Variants in CEACAM20 observed in about 807,000 individuals in gnomAD.
CEACAM20 encodes the protein cell adhesion molecule CEACAM20.
A neutral mutation model predicts 61.2 loss-of-function variants in CEACAM20; 50 were observed. That is an observed-to-expected ratio of 0.82 (90% CI 0.65 to 1.03). The LOEUF (loss-of-function observed/expected upper bound fraction) is 1.03, where lower values mean the gene tolerates loss of function less well. Among genes scored for constraint, CEACAM20 ranks in the 50% least tolerant of loss-of-function variants. The pLI is 0.00. For missense variants in CEACAM20, 683 were observed against 736.4 expected (o/e 0.93, Z 0.84); for synonymous variants, 282 against 287.7 (o/e 0.98, Z 0.20).
At position 44,520,590 on chromosome 19, in the gene CEACAM20, T is replaced by A; in HGVS notation, c.914A>T (p.Asp305Val). The change falls in exon 5 of 12, where the codon GAC becomes GTC. Residue 305 changes from aspartate to valine, a missense_variant. Physicochemically the swap from Asp to Val is radical, Grantham distance 152. Coordinates refer to ENST00000614924, the MANE Select transcript of CEACAM20 (RefSeq NM_001102597.3). ...LPSEHLQLSADNRTLIIHGLQ... is the reference protein window; with the variant it reads ...LPSEHLQLSAVNRTLIIHGLQ... ...GCCATGGATGATTAGGGTCCTGTTGTCAGCTGACAGCTGCAGGTGCTCACT... is the reference window on the plus strand; with the variant it reads ...GCCATGGATGATTAGGGTCCTGTTGACAGCTGACAGCTGCAGGTGCTCACT... 1 of 1,614,026 alleles carries A rather than the reference T, an allele frequency of 6.2e-7. No individual in the cohort carries two copies.
chr19:44,525,356 C>A, intron 1 of CEACAM20, 112 bp from the exon 2 acceptor site: 1 of 976,948 alleles, frequency 1.0e-6, no homozygotes, highest in Non-Finnish European at 1.5e-6. Flanking sequence ...GCATTCCACC[C>A]ACAGAGACCT....
Position 44,520,510 on chromosome 19 carries a change from G to A in CEACAM20, c.994C>T (p.Arg332Trp), listed in dbSNP as rs773424108. Residue 332 changes from arginine (R) to tryptophan (W), a missense_variant, in exon 5 of 12, where the codon CGG (arginine) becomes TGG (tryptophan). Coordinates refer to ENST00000614924, the MANE Select transcript of CEACAM20 (RefSeq NM_001102597.3). ...AGCTCAAGGGGCTCACTCCGGGCCC[G>A]GCTGCCCCAGTTCCAGACCTCACAG... ...YACEVWNWGSRARSEPLELTI... is the reference protein window; with the variant it reads ...YACEVWNWGSWARSEPLELTI... 43 of 1,613,504 alleles carry A rather than the reference G, an allele frequency of 2.7e-5. No homozygotes were observed. The highest frequency in any genetic ancestry group is 4.5e-5 in the East Asian group (2 of 44,896).
At chr19:44,526,422 T>C (rs1052554758) in intron 1 of CEACAM20, among the ~76,000 whole-genome samples, 1 of 152,034 alleles carries the variant, frequency 6.6e-6, no homozygotes, top group Non-Finnish European at 1.5e-5. Flanking sequence ...GGAGGATCAC[T>C]TGAGCCTGGG....
intron 8 of CEACAM20, among the ~76,000 whole-genome samples, chr19:44,512,387 G>A (rs1478989682): frequency 2.0e-5 from 3 of 152,098 alleles, no homozygotes; most frequent in Non-Finnish European, 2.9e-5. Flanking sequence ...AAATGGGGCT[G>A]GATTGGACAG....
In CEACAM20 at chr19:44,516,739, G is replaced by A. The variant is rs114810668; in HGVS notation, c.1309+207C>T. 6.4e-3 allele frequency among the ~76,000 whole-genome samples: 975 copies of A among 152,336 alleles called. 4 individuals carry two copies. The highest frequency in any genetic ancestry group is 0.022 in the African/African-American group (927 of 41,566). On this transcript the variant is annotated intron_variant, in intron 6 of 11. Coordinates refer to ENST00000614924, the MANE Select transcript of CEACAM20 (RefSeq NM_001102597.3). ...ACTGAAGCTCAGAACAGCTTGGAGA[G>A]TTTTCCAGGGAACACAGCAGGAAGT...
chr19:44,525,720 G>T lies in CEACAM20; in HGVS notation c.53-476C>A, dbSNP rs1167584732. Among the ~76,000 whole-genome samples the T allele has an allele frequency of 2.6e-5, 4 of 152,338 alleles. No individual in the cohort carries two copies. The East Asian group carries it at 5.8e-4, about 22-fold the overall frequency. On this transcript the variant is annotated intron_variant, in intron 1 of 11. Transcript: ENST00000614924. ...GGCCTCCCAAAGTGCTGGAATTACA[G>T]GCATGAGCCCCTGTGCCAGCTGCAG...
In CEACAM20 at chr19:44,529,498, A is replaced by G. The variant is rs1430656941; in HGVS notation, c.12T>C (p.Ala4=). Residue 4 remains alanine (A), a synonymous_variant, in exon 1 of 12, where the codon GCT becomes GCC. Coordinates refer to ENST00000614924, the MANE Select transcript of CEACAM20 (RefSeq NM_001102597.3). MGP[A]DSWGHHWMGI... is the part of the protein sequence containing the mutation. ...CCATCCAGTGGTGTCCCCATGAGTCAGCAGGCCCCATGGGTCCCGGCACCT... is the reference window on the plus strand; with the variant it reads ...CCATCCAGTGGTGTCCCCATGAGTCGGCAGGCCCCATGGGTCCCGGCACCT... 6.2e-7 allele frequency: 1 copy of G among 1,613,828 alleles called. No homozygotes were observed. Among genetic ancestry groups the G allele is most frequent in the Non-Finnish European group, 8.5e-7 (1 of 1,179,840 alleles).
chr19:44,522,591 C>T (rs536019685), intron 4 of CEACAM20, 43 bp downstream of exon 4: 28 of 1,590,036 alleles, frequency 1.8e-5, no homozygotes, highest in African/African-American at 4.0e-5. Flanking sequence ...CAGCATCTGA[C>T]GCTCAGAAGA....
intron 5 of CEACAM20, among the ~76,000 whole-genome samples, chr19:44,518,009 G>A (rs545823013): frequency 5.3e-5 from 8 of 151,612 alleles, no homozygotes; most frequent in African/African-American, 9.7e-5. Flanking sequence ...CTGGGAGGCC[G>A]AAGTTGCAGT....
At chr19:44,513,954 G>T (rs930963621) in intron 6 of CEACAM20, among the ~76,000 whole-genome samples, 2 of 152,128 alleles carry the variant, frequency 1.3e-5, no homozygotes, top group Admixed American at 1.3e-4. Flanking sequence ...TTGGAACCAT[G>T]GAAAGTGATC....
rs1205509670 is a variant in CEACAM20 at position 44,528,139 on chromosome 19, T to TCTTTC, written c.52+1314_52+1318dup. 1.3e-3 allele frequency among the ~76,000 whole-genome samples: 164 copies of TCTTTC among 129,394 alleles called. 2 individuals carry two copies. The highest frequency in any genetic ancestry group is 5.2e-3 in the African/African-American group (155 of 29,988). 84.9% of individuals were successfully genotyped at this position (129,394 alleles called of 152,430 possible). ...CCTGTTTTTCCCACTGGTATCTCTT[T>TCTTTC]CTTTCTTTTCTTTCTTTCTTTTCTT... On this transcript the variant is annotated intron_variant, in intron 1 of 11. Coordinates refer to ENST00000614924, the MANE Select transcript of CEACAM20 (RefSeq NM_001102597.3).
chr19:44,509,378 AGGG>A (rs1228136993), intron 11 of CEACAM20, among the ~76,000 whole-genome samples: 3 of 151,936 alleles, frequency 2.0e-5, no homozygotes, highest in Non-Finnish European at 4.4e-5. Flanking sequence ...AAAACAGAAA[AGGG>A]GGGAAATGGA....
At position 44,517,237 on chromosome 19, in the gene CEACAM20, C is replaced by G. The variant is rs755623683; in HGVS notation, c.1031-13G>C. 5 of 1,599,186 alleles carry G rather than the reference C, an allele frequency of 3.1e-6. No individual in the cohort carries two copies. The Admixed American group carries it at 8.3e-5, about 27-fold the overall frequency. On this transcript the variant is annotated splice_polypyrimidine_tract_variant and intron_variant, in intron 5 of 11. Coordinates refer to ENST00000614924, the MANE Select transcript of CEACAM20 (RefSeq NM_001102597.3). ...TGGTCAGGACCATCTGTGTGTAAAG[C>G]CAAACGTGATGCACCCTGGCCCCCA...
intron 8 of CEACAM20, 74 bp from the exon 9 acceptor site, chr19:44,512,152 C>G: frequency 3.5e-6 from 4 of 1,127,148 alleles, no homozygotes; most frequent in Non-Finnish European, 5.3e-6. Flanking sequence ...TTTCCAGGAC[C>G]CCTGACCCCA....
chr19:44,516,828 C>T (rs1971168936), intron 6 of CEACAM20, 118 bp downstream of exon 6: 1 of 1,155,510 alleles, frequency 8.7e-7, no homozygotes, highest in Admixed American at 2.3e-5. Flanking sequence ...TGAGAACCTG[C>T]TCAGGCAGTG....
At position 44,529,462 on chromosome 19, in the gene CEACAM20, A is replaced by G. The variant is rs62116895; in HGVS notation, c.48T>C (p.Leu16=). ...TGAAGGAAGCAGGGCACTCACCTGA[A>G]AGCAGGATTCCCATCCAGTGGTGTC... The part of the protein sequence containing the change: ...SWGHHWMGIL[L]SASLCTVWSP... Residue 16 remains leucine (L), a synonymous_variant, in exon 1 of 12, where the codon CTT becomes CTC. Coordinates refer to ENST00000614924, the MANE Select transcript of CEACAM20 (RefSeq NM_001102597.3). 174,815 of 1,612,496 alleles carry G rather than the reference A, an allele frequency of 0.11. 15,019 individuals are homozygous for G. Among genetic ancestry groups the G allele is most frequent in the African/African-American group, 0.43 (32,384 of 74,560 alleles).
At chr19:44,510,958 T>G in intron 11 of CEACAM20, 72 bp downstream of exon 11, 2 of 1,589,832 alleles carry the variant, frequency 1.3e-6, no homozygotes, top group Non-Finnish European at 1.7e-6. Flanking sequence ...TACAGACTCT[T>G]TAGTAGGGAA....
At chr19:44,508,115 T>C (rs1234143539) in intron 11 of CEACAM20, among the ~76,000 whole-genome samples, 1 of 152,222 alleles carries the variant, frequency 6.6e-6, no homozygotes, top group Non-Finnish European at 1.5e-5. Context: ...AAGAAAACCC[T>C]GTCAGTAGGA....
intron 11 of CEACAM20, among the ~76,000 whole-genome samples, chr19:44,510,611 A>AGAAAGGAAGGAAGGAAGG (rs71171251): frequency 2.5e-4 from 18 of 72,414 alleles, no homozygotes; most frequent in African/African-American, 1.1e-3. Context: ...AAAGAAAGAA[A>AGAAAGGAAGGAAGGAAGG]AAGGAAGGAA....
Sources: allele counts gnomAD v4.1 joint callset (sites outside exome capture counted in the v4.1 genomes callset), GRCh38; gene constraint gnomAD v4.1.1; transcripts MANE v1.5; gene names NCBI Gene and HGNC (gene_info 2026-07-23, HGNC 2026-07-21).